TRPV1: variants seen among roughly 807,000 people sequenced by gnomAD.
The protein encoded by TRPV1 is OTRPC1.
Under a neutral mutation model 82.3 loss-of-function variants are expected in TRPV1, and 82 were observed. The observed-to-expected ratio is 1.00, with a 90% CI of 0.83 to 1.20. TRPV1 has a LOEUF of 1.20. Ranked by LOEUF, TRPV1 falls within the 50% of genes most tolerant of loss-of-function variation. The pLI is 0.00. For synonymous variants in TRPV1, 515 were observed against 467.7 expected, an observed-to-expected ratio of 1.10 and a Z score of -1.30; for missense variants, 1,067 against 1,096.8, an observed-to-expected ratio of 0.97 and a Z score of 0.38.
chr17:3,576,075 A>G (rs1442461336), intron 13 of TRPV1, among the ~76,000 whole-genome samples: 4 of 149,954 alleles, frequency 2.7e-5, no homozygotes, highest in South Asian at 2.1e-4. Context: ...AAAAAAAAAT[A>G]GCCAGGTGTG....
rs1179747995 is a variant in TRPV1 at position 3,594,322 on chromosome 17, TTC to T, written c.-33-1941_-33-1940del. On this transcript the variant is annotated intron_variant, in intron 2 of 16. Transcript: ENST00000572705. ...TGAGAGGCTTCTCAAGTCCTGCATT[TTC>T]TTTTTTTTTTTTTTTGAAATATATA... Among the ~76,000 whole-genome samples, 5 of 151,534 alleles carry T rather than the reference TTC, an allele frequency of 3.3e-5. No individual in the cohort carries two copies. In the East Asian group the frequency reaches 7.8e-4, roughly 24 times the overall value.
At position 3,590,381 on chromosome 17, in the gene TRPV1, G is replaced by C. The variant is rs747132011; in HGVS notation, c.616C>G (p.Leu206Val). 13 of 1,613,754 alleles carry C rather than the reference G, an allele frequency of 8.1e-6. No homozygotes were observed. In the Admixed American group the frequency reaches 2.2e-4, roughly 27 times the overall value. The change falls in exon 6 of 17, where the codon CTG becomes GTG. Residue 206 changes from leucine to valine, a missense_variant. Transcript: ENST00000572705. ...TTGCGTCTCTCGATGGCGATGTGCAGTGCTGTCTGGCCTACAGAGGACGCG... is the reference window on the plus strand; with the variant it reads ...TTGCGTCTCTCGATGGCGATGTGCACTGCTGTCTGGCCTACAGAGGACGCG... The part of the protein sequence containing the change: ...TDSYYKGQTA[L>V]HIAIERRNMA...
intron 13 of TRPV1, among the ~76,000 whole-genome samples, chr17:3,574,917 C>CAAAAA (rs55990804): frequency 1.7e-4 from 14 of 82,932 alleles, no homozygotes; most frequent in African/African-American, 3.2e-4. Context: ...GACTCTATCT[C>CAAAAA]AAAAAAAAAA....
Position 3,603,552 on chromosome 17 carries a change from C to T in TRPV1, c.-34+4875G>A, listed in dbSNP as rs114408517. On this transcript the variant is annotated intron_variant, in intron 2 of 16. Transcript: ENST00000572705. ...AAGAACACCTGCCCTACCTGCTTTACGAGGCTTTTCTGGGATTAGTCAGGA... is the reference window on the plus strand; with the variant it reads ...AAGAACACCTGCCCTACCTGCTTTATGAGGCTTTTCTGGGATTAGTCAGGA... Among the ~76,000 whole-genome samples the T allele has an allele frequency of 2.3e-3, 352 of 152,214 alleles. 2 individuals are homozygous for T. Among genetic ancestry groups the T allele is most frequent in the African/African-American group, 7.7e-3 (319 of 41,514 alleles).
In TRPV1 at chr17:3,609,322, T is replaced by TGAGAGAGAGAGAGAGAGAGAGAGAGAGA. The variant is rs3840876; in HGVS notation, c.-214_-187dup. 14 of 148,566 alleles carry TGAGAGAGAGAGAGAGAGAGAGAGAGAGA rather than the reference T, an allele frequency of 9.4e-5. No individual in the cohort carries two copies. Among genetic ancestry groups the TGAGAGAGAGAGAGAGAGAGAGAGAGAGA allele is most frequent in the African/African-American group, 3.0e-4 (12 of 39,898 alleles). 9.2% of individuals were successfully genotyped at this position (148,566 alleles called of 1,614,324 possible). On this transcript the variant is annotated 5_prime_UTR_variant, in exon 1 of 17. Coordinates refer to ENST00000572705, the MANE Select transcript of TRPV1 (RefSeq NM_080704.4). ...TATGTTTCATACCTGTCATGGATAC[T>TGAGAGAGAGAGAGAGAGAGAGAGAGAGA]GAGAGAGAGAGAGAGAGAGAGAGAG...
At chr17:3,600,057 T>C (rs368535544) in intron 2 of TRPV1, among the ~76,000 whole-genome samples, 9 of 152,224 alleles carry the variant, frequency 5.9e-5, no homozygotes, top group Non-Finnish European at 1.0e-4. Flanking sequence ...GCTATGAACA[T>C]AGGCGTGCAA....
Position 3,601,492 on chromosome 17 carries a change from C to T in TRPV1, c.-34+6935G>A, listed in dbSNP as rs184731277. On this transcript the variant is annotated intron_variant, in intron 2 of 16. Coordinates refer to ENST00000572705, the MANE Select transcript of TRPV1 (RefSeq NM_080704.4). ...GTGCTGACTCCACCCTTTCCCCCAC[C>T]CTCCTCCATCCCAGTACCCCACTTA... is the stretch of plus-strand genomic sequence containing the variant. Among the ~76,000 whole-genome samples the T allele has an allele frequency of 9.2e-4, 140 of 152,134 alleles. 1 individual carries two copies. Among genetic ancestry groups the T allele is most frequent in the Non-Finnish European group, 1.3e-3 (91 of 67,984 alleles).
At chr17:3,591,759 C>T (rs1214778130) in intron 3 of TRPV1, among the ~76,000 whole-genome samples, 2 of 152,224 alleles carry the variant, frequency 1.3e-5, no homozygotes, top group African/African-American at 4.8e-5. Context: ...CCTGCCCTGC[C>T]TTGCAGCTCA....
At chr17:3,575,746 T>C (rs2074920832) in intron 13 of TRPV1, among the ~76,000 whole-genome samples, 1 of 151,960 alleles carries the variant, frequency 6.6e-6, no homozygotes, top group Non-Finnish European at 1.5e-5. Flanking sequence ...TGACTCCCAA[T>C]AAAACACACA....
intron 7 of TRPV1, among the ~76,000 whole-genome samples, chr17:3,589,122 C>G (rs933624865): frequency 6.6e-6 from 1 of 152,078 alleles, no homozygotes; most frequent in Non-Finnish European, 1.5e-5. Flanking sequence ...GAGCTGGGAG[C>G]TGGAGCCATC....
intron 2 of TRPV1, among the ~76,000 whole-genome samples, chr17:3,601,347 G>C (rs1431600362): frequency 1.3e-5 from 2 of 151,698 alleles, no homozygotes; most frequent in Non-Finnish European, 2.9e-5. Context: ...TTGCCTCTCA[G>C]GGGTCCCCAC....
intron 2 of TRPV1, among the ~76,000 whole-genome samples, chr17:3,605,766 G>A (rs569452929): frequency 3.3e-5 from 5 of 151,778 alleles, no homozygotes; most frequent in Non-Finnish European, 7.4e-5. Flanking sequence ...CCATTGCCTC[G>A]TGATGGAAAT....
chr17:3,566,804 G>C lies in TRPV1; in HGVS notation c.*11C>G. 2 of 1,612,814 alleles carry C rather than the reference G, an allele frequency of 1.2e-6. No homozygotes were observed. The highest frequency in any genetic ancestry group is 8.5e-7 in the Non-Finnish European group (1 of 1,179,476). Reference sequence around the variant, plus strand: ...AGGCCCAGTGTTGACAGTGCTGTCTGCGTGACGTCCTCACTTCTCCCCGGA... The same window carrying C: ...AGGCCCAGTGTTGACAGTGCTGTCTCCGTGACGTCCTCACTTCTCCCCGGA... On this transcript the variant is annotated 3_prime_UTR_variant, in exon 17 of 17. Transcript: ENST00000572705.
chr17:3,573,532 G>GGGGGGGGGGGCCCCCCCCC, intron 14 of TRPV1, 101 bp downstream of exon 14: 1 of 257,076 alleles, frequency 3.9e-6, no homozygotes, highest in Non-Finnish European at 7.7e-6. Flanking sequence ...GCCACACACC[G>GGGGGGGGGGGCCCCCCCCC]CCCCCACCAC....
At chr17:3,602,848 T>G (rs768937570) in intron 2 of TRPV1, among the ~76,000 whole-genome samples, 58 of 152,170 alleles carry the variant, frequency 3.8e-4, no homozygotes, top group Non-Finnish European at 4.3e-4. Context: ...CCAGCCGGCC[T>G]CAGTGGCTCA....
intron 2 of TRPV1, among the ~76,000 whole-genome samples, chr17:3,601,496 C>T (rs2075263066): frequency 6.6e-6 from 1 of 152,088 alleles, no homozygotes; most frequent in South Asian, 2.1e-4. Flanking sequence ...CCCCACCCTC[C>T]TCCATCCCAG....
intron 2 of TRPV1, chr17:3,602,182 C>T (rs180844046): frequency 1.5e-4 from 23 of 152,214 alleles, no homozygotes; most frequent in Admixed American, 1.2e-3. Context: ...CTACTAGTCT[C>T]GTCTGGAGCT....
At chr17:3,606,351 G>A (rs983013075) in intron 2 of TRPV1, among the ~76,000 whole-genome samples, 1 of 152,208 alleles carries the variant, frequency 6.6e-6, no homozygotes, top group Admixed American at 6.5e-5. Flanking sequence ...CAGGCTGACA[G>A]AGCTACCACT....
chr17:3,602,030 G>A (rs908473893), intron 2 of TRPV1: 2 of 152,144 alleles, frequency 1.3e-5, no homozygotes, highest in African/African-American at 4.8e-5. Flanking sequence ...CAACGTCCTG[G>A]GTGTTGGCAT....
Sources: gnomAD v4.1 joint callset for allele counts (sites outside exome capture counted in the v4.1 genomes callset) on GRCh38, gnomAD v4.1.1 for gene constraint, MANE v1.5 for transcripts, NCBI Gene and HGNC (gene_info 2026-07-23, HGNC 2026-07-21) for gene names.